Variants in LRRC28 observed in about 807,000 individuals in gnomAD.
LRRC28 encodes the protein leucine rich repeat containing 28.
LRRC28 carries 39 observed loss-of-function variants against 45.7 expected under a neutral mutation model. That is an observed-to-expected ratio of 0.85 (90% CI 0.66 to 1.12). The LOEUF is 1.12. Ranked by LOEUF, LRRC28 falls within the 50% of genes most tolerant of loss-of-function variation. The probability of loss-of-function intolerance (pLI) is 0.00; values close to 1 mark genes in which losing one functional copy is unlikely to be tolerated. For synonymous variants in LRRC28, 206 were observed against 178.8 expected, an observed-to-expected ratio of 1.15 and a Z score of -1.22; for missense variants, 435 against 438.5, an observed-to-expected ratio of 0.99 and a Z score of 0.07.
At chr15:99,265,599 T>C (rs1272010312) in intron 2 of LRRC28, among the ~76,000 whole-genome samples, 1 of 152,086 alleles carries the variant, frequency 6.6e-6, no homozygotes, top group East Asian at 1.9e-4. Context: ...GGAGAAGGAA[T>C]ATAGCGTGGA....
At chr15:99,288,371 CTTTTTTTTTT>C (rs67593137) in intron 5 of LRRC28, among the ~76,000 whole-genome samples, 1 of 82,894 alleles carries the variant, frequency 1.2e-5, no homozygotes, top group Non-Finnish European at 2.2e-5. Context: ...TGTACATTAA[CTTTTTTTTTT>C]TTTTTTTTTT....
At chr15:99,319,680 T>A (rs901737307) in intron 5 of LRRC28, among the ~76,000 whole-genome samples, 3 of 151,750 alleles carry the variant, frequency 2.0e-5, no homozygotes, top group Admixed American at 6.6e-5. Context: ...TAAATTACTG[T>A]CTTTAACATT....
chr15:99,299,111 C>T (rs940160793), intron 5 of LRRC28, among the ~76,000 whole-genome samples: 1 of 152,130 alleles, frequency 6.6e-6, no homozygotes. Flanking sequence ...TTTAATAGTT[C>T]GTTTTTACTG....
intron 6 of LRRC28, among the ~76,000 whole-genome samples, chr15:99,334,881 G>A (rs913240878): frequency 3.3e-5 from 5 of 152,054 alleles, no homozygotes; most frequent in African/African-American, 9.7e-5. Context: ...ATCTCTGAGG[G>A]TAGTAAAGTG....
Position 99,271,515 on chromosome 15 carries a change from G to T in LRRC28, c.169-5061G>T, listed in dbSNP as rs576672983. On this transcript the variant is annotated intron_variant, in intron 2 of 9. Transcript: ENST00000301981. ...GATGGTCTCCATCCCTTGACCTCAT[G>T]ATCCACTTGCCTCAGCCTCTCAAAG... 2.0e-5 allele frequency among the ~76,000 whole-genome samples: 3 copies of T among 152,274 alleles called. No homozygotes were observed. In the East Asian group the frequency reaches 5.8e-4, roughly 29 times the overall value.
intron 9 of LRRC28, among the ~76,000 whole-genome samples, chr15:99,368,603 C>T (rs1957401772): frequency 6.6e-6 from 1 of 152,142 alleles, no homozygotes; most frequent in Admixed American, 6.5e-5. Context: ...CATATGTTTG[C>T]ATCTAGGTAG....
At chr15:99,315,653 T>C (rs2152270811) in intron 5 of LRRC28, among the ~76,000 whole-genome samples, 1 of 152,320 alleles carries the variant, frequency 6.6e-6, no homozygotes, top group African/African-American at 2.4e-5. Flanking sequence ...CTAATGCTAT[T>C]TTATGGGTAA....
At chr15:99,292,521 C>T (rs187486736) in intron 5 of LRRC28, among the ~76,000 whole-genome samples, 20 of 151,654 alleles carry the variant, frequency 1.3e-4, no homozygotes, top group East Asian at 9.7e-4. Flanking sequence ...CCCGCCACCG[C>T]GCCCGGCTAA....
intron 5 of LRRC28, among the ~76,000 whole-genome samples, chr15:99,308,995 A>G (rs764601406): frequency 1.3e-5 from 2 of 152,120 alleles, no homozygotes; most frequent in Non-Finnish European, 2.9e-5. Context: ...TTTTTTCTGT[A>G]TTATCACTCC....
At chr15:99,360,819 G>A (rs1247190754) in intron 7 of LRRC28, among the ~76,000 whole-genome samples, 1 of 152,184 alleles carries the variant, frequency 6.6e-6, no homozygotes, top group Non-Finnish European at 1.5e-5. Context: ...TTGGCTTATT[G>A]AGTATGCCAA....
chr15:99,379,651 C>A (rs1957756010), intron 9 of LRRC28, among the ~76,000 whole-genome samples: 1 of 152,168 alleles, frequency 6.6e-6, no homozygotes, highest in African/African-American at 2.4e-5. Context: ...AATTTTAGAT[C>A]TTTCCTGTTT....
At chr15:99,381,518 T>G (rs1023197427) in intron 9 of LRRC28, among the ~76,000 whole-genome samples, 1 of 152,250 alleles carries the variant, frequency 6.6e-6, no homozygotes, top group African/African-American at 2.4e-5. Context: ...TTCTGAAGCC[T>G]TCTTCTCTCA....
chr15:99,256,972 C>G (rs1216880888), intron 2 of LRRC28, among the ~76,000 whole-genome samples: 1 of 152,174 alleles, frequency 6.6e-6, no homozygotes, highest in Non-Finnish European at 1.5e-5. Flanking sequence ...TGAAATCTTA[C>G]TACTTTGTGA....
chr15:99,279,262 G>A (rs889147621), intron 3 of LRRC28, among the ~76,000 whole-genome samples: 15 of 152,168 alleles, frequency 9.9e-5, no homozygotes, highest in African/African-American at 1.9e-4. Context: ...ATAATATTCC[G>A]TTGAATAGAT....
intron 2 of LRRC28, chr15:99,257,786 G>C: frequency 2.6e-6 from 2 of 780,160 alleles, no homozygotes. Context: ...TACAGAGAGA[G>C]GAAGAAGCTA....
intron 9 of LRRC28, among the ~76,000 whole-genome samples, chr15:99,385,688 T>G (rs1957961762): frequency 6.6e-6 from 1 of 152,184 alleles, no homozygotes; most frequent in African/African-American, 2.4e-5. Flanking sequence ...TTCAATTCTG[T>G]GATTGCGTTG....
chr15:99,330,179 G>A (rs1447923246), intron 5 of LRRC28, among the ~76,000 whole-genome samples: 1 of 152,010 alleles, frequency 6.6e-6, no homozygotes, highest in Non-Finnish European at 1.5e-5. Flanking sequence ...TATTGATTTT[G>A]GATCTTTCAG....
At chr15:99,310,518 C>G (rs753935601) in intron 5 of LRRC28, among the ~76,000 whole-genome samples, 1 of 152,154 alleles carries the variant, frequency 6.6e-6, no homozygotes, top group Non-Finnish European at 1.5e-5. Flanking sequence ...TTATGTTCTA[C>G]TACCCAGTGT....
At chr15:99,316,860 A>G (rs1469478324) in intron 5 of LRRC28, among the ~76,000 whole-genome samples, 1 of 152,124 alleles carries the variant, frequency 6.6e-6, no homozygotes, top group Non-Finnish European at 1.5e-5. Flanking sequence ...TTAAAGATGA[A>G]GTCTTGCTCT....
Sources: allele counts gnomAD v4.1 joint callset (sites outside exome capture counted in the v4.1 genomes callset), GRCh38; gene constraint gnomAD v4.1.1; transcripts MANE v1.5; gene names NCBI Gene and HGNC (gene_info 2026-07-23, HGNC 2026-07-21).